SP140: variants seen among roughly 807,000 people sequenced by gnomAD.
SP140 encodes the protein SP140 nuclear body protein, also known as nuclear body protein SP140.
SP140 carries 81 observed loss-of-function variants against 125.0 expected under a neutral mutation model. That is an observed-to-expected ratio of 0.65 (90% CI 0.54 to 0.78). The LOEUF (loss-of-function observed/expected upper bound fraction) is 0.78. Ranked by LOEUF, SP140 falls within the 30% of genes least tolerant of loss-of-function variation. SP140 has a pLI of 0.00. For missense variants in SP140, 858 were observed against 1,037.0 expected, an observed-to-expected ratio of 0.83 and a Z score of 2.37; for synonymous variants, 312 against 354.0, an observed-to-expected ratio of 0.88 and a Z score of 1.33.
In SP140 at chr2:230,245,906, A is replaced by G. The variant is rs1218941223; in HGVS notation, c.708A>G (p.Glu236=). 6.2e-7 allele frequency: 1 copy of G among 1,606,926 alleles called. No individual in the cohort carries two copies. The change falls in exon 7 of 27, where the codon GAA becomes GAG. Residue 236 remains glutamate, a synonymous_variant. Transcript: ENST00000392045. ...TACAAATAGATGAAGGAGAATCAGA[A>G]GAAATGCCCAAGTTACTGCCTTATG... ...LAIQIDEGES[E]EMPKLLPYDT...
At chr2:230,192,473 T>C in the SP140 span, among the ~76,000 whole-genome samples, 132,475 of 151,294 alleles carry the variant, frequency 0.88, 58,010 homozygotes, top group East Asian at 1. Context: ...AAATCACAAG[T>C]ATGCCTTTAC....
At chr2:230,231,118 A>G (rs1315229763) in intron 1 of SP140, among the ~76,000 whole-genome samples, 1 of 151,968 alleles carries the variant, frequency 6.6e-6, no homozygotes, top group African/African-American at 2.4e-5. Flanking sequence ...TATGTCTTTG[A>G]GTTGTCATCT....
At chr2:230,196,645 A>T in the SP140 span, among the ~76,000 whole-genome samples, 1 of 151,778 alleles carries the variant, frequency 6.6e-6, no homozygotes, top group East Asian at 1.9e-4. Flanking sequence ...GCACCCATTA[A>T]CTCGTCATTT....
In SP140 at chr2:230,251,615, G is replaced by A. The variant is rs538918478; in HGVS notation, c.1057+554G>A. Reference sequence around the variant, plus strand: ...GAAAAAGCTTATCATCCCTCTGCTGGTAGATACTTTTTATCATTTTATTAC... The same window carrying A: ...GAAAAAGCTTATCATCCCTCTGCTGATAGATACTTTTTATCATTTTATTAC... On this transcript the variant is annotated intron_variant, in intron 10 of 26. Coordinates refer to ENST00000392045, the MANE Select transcript of SP140 (RefSeq NM_007237.5). Among the ~76,000 whole-genome samples the A allele has an allele frequency of 3.3e-5, 5 of 152,140 alleles. No individual in the cohort carries two copies. The South Asian group carries it at 1.0e-3, about 32-fold the overall frequency.
chr2:230,316,010 C>T (rs1217923468), downstream of SP140, among the ~76,000 whole-genome samples: 5 of 152,308 alleles, frequency 3.3e-5, no homozygotes, highest in African/African-American at 1.2e-4. Context: ...AGAAGCAATT[C>T]ACATTCTCAA....
At chr2:230,270,019 G>A (rs1046035107) in intron 14 of SP140, 66 bp downstream of exon 14, 4 of 1,000,336 alleles carry the variant, frequency 4.0e-6, no homozygotes, top group Non-Finnish European at 4.8e-6. Context: ...CCAGTAGGGT[G>A]GAGGTAGGTG....
chr2:230,256,887 G>A (rs1392847788), intron 12 of SP140, among the ~76,000 whole-genome samples: 1 of 152,154 alleles, frequency 6.6e-6, no homozygotes, highest in Non-Finnish European at 1.5e-5. Context: ...TCATGCAGTG[G>A]TTTTTCAGAG....
chr2:230,200,795 A>G, upstream of SP140: 1 of 1,054,820 alleles, frequency 9.5e-7, no homozygotes, highest in Admixed American at 1.7e-5. Context: ...ATGAAAAAAA[A>G]AAGTTAAGAA....
At chr2:230,231,172 T>C (rs1346043453) in intron 1 of SP140, among the ~76,000 whole-genome samples, 3 of 152,266 alleles carry the variant, frequency 2.0e-5, no homozygotes, top group Non-Finnish European at 2.9e-5. Context: ...GTGTGCTTTT[T>C]TCTTTAGAGC....
At chr2:230,294,198 G>A in intron 20 of SP140, 73 bp from the exon 21 acceptor site, 1 of 1,187,674 alleles carries the variant, frequency 8.4e-7, no homozygotes, top group Non-Finnish European at 1.3e-6. Context: ...ATATTTGGGA[G>A]GAGGTTGGAA....
At chr2:230,192,087 C>T in the SP140 span, among the ~76,000 whole-genome samples, 1 of 152,144 alleles carries the variant, frequency 6.6e-6, no homozygotes, top group African/African-American at 2.4e-5. Flanking sequence ...TTCTACATCC[C>T]TTCATGTTAA....
chr2:230,269,594 A>G lies in SP140; in HGVS notation c.1303A>G (p.Ser435Gly), dbSNP rs113834874. 9 of 1,593,600 alleles carry G rather than the reference A, an allele frequency of 5.6e-6. No individual in the cohort carries two copies. The African/African-American group carries it at 6.7e-5, about 12-fold the overall frequency. Residue 435 changes from serine to glycine, a missense_variant, in exon 13 of 27, where the codon AGC becomes GGC. Physicochemically the swap from Ser to Gly is moderately conservative, Grantham distance 56. Coordinates refer to ENST00000392045, the MANE Select transcript of SP140 (RefSeq NM_007237.5). ...AGGAGAATCAGAAGAGCTTGCTTCT[A>G]GCCTGCTATATGATAATGTACCAGG... ...EEGESEELAS[S>G]LLYDNVPGAE... is the part of the protein sequence containing the mutation.
chr2:230,212,333 C>G lies in SP140; in HGVS notation c.-322-1321C>G, dbSNP rs1233197623. The stretch of plus-strand genomic sequence containing the variant: ...CACCTTGAGCTAAGCGGTATCAGCC[C>G]CAGTCAGTGTTACCTTGCACAGTGC... On this transcript the variant is annotated intron_variant, in intron 1 of 4. Transcript: ENST00000456542. 1.3e-6 allele frequency: 2 copies of G among 1,590,662 alleles called. No homozygotes were observed. Among genetic ancestry groups the G allele is most frequent in the African/African-American group, 1.3e-5 (1 of 74,596 alleles).
At chr2:230,250,552 G>A (rs2050203239) in intron 9 of SP140, among the ~76,000 whole-genome samples, 1 of 152,102 alleles carries the variant, frequency 6.6e-6, no homozygotes, top group African/African-American at 2.4e-5. Flanking sequence ...CCCAGTATGA[G>A]AAAGGGGGTG....
rs145573964 is a variant in SP140 at position 230,307,299 on chromosome 2, C to G, written c.2059-2625C>G. Among the ~76,000 whole-genome samples, 150 of 152,336 alleles carry G rather than the reference C, an allele frequency of 9.8e-4. 1 individual carries two copies. The highest frequency in any genetic ancestry group is 3.1e-3 in the African/African-American group (130 of 41,578). ...CCATTTGTCAGCGTCCCTCATTCTT[C>G]CTGGTTGCAGGACAAAAGAACTTGG... On this transcript the variant is annotated intron_variant, in intron 22 of 26. Transcript: ENST00000392045.
intron 15 of SP140, among the ~76,000 whole-genome samples, chr2:230,274,616 T>A (rs2054434487): frequency 6.6e-6 from 1 of 152,112 alleles, no homozygotes; most frequent in African/African-American, 2.4e-5. Flanking sequence ...AGACCACAAA[T>A]CTGTGATTTT....
downstream of SP140, chr2:230,313,261 C>A (rs1412642451): frequency 2.0e-5 from 3 of 152,592 alleles, no homozygotes; most frequent in Non-Finnish European, 4.4e-5. Flanking sequence ...AACCAAAGAA[C>A]CTAGCAGGGT....
chr2:230,210,784 G>GA (rs1198925262), intron 1 of SP140, among the ~76,000 whole-genome samples: 1 of 152,158 alleles, frequency 6.6e-6, no homozygotes, highest in African/African-American at 2.4e-5. Flanking sequence ...GCCTGCTTAG[G>GA]AATAGGTGAC....
intron 12 of SP140, among the ~76,000 whole-genome samples, chr2:230,262,519 A>G (rs955422660): frequency 1.3e-5 from 2 of 151,578 alleles, no homozygotes; most frequent in Non-Finnish European, 2.9e-5. Flanking sequence ...TTGTTTCTCT[A>G]GTTCCTTCAG....
Sources: allele counts gnomAD v4.1 joint callset (sites outside exome capture counted in the v4.1 genomes callset), GRCh38; gene constraint gnomAD v4.1.1; transcripts MANE v1.5; gene names NCBI Gene and HGNC (gene_info 2026-07-23, HGNC 2026-07-21).